The following DLG2 variants were observed in gnomAD, a reference collection of about 807,000 sequenced individuals.
DLG2 encodes the protein disks large homolog 2.
In DLG2, 45 loss-of-function variants were observed where a neutral mutation model predicts 132.5. The ratio of observed to expected loss-of-function variants is 0.34; its 90% confidence interval spans 0.27 to 0.44. DLG2 has a LOEUF of 0.44. Among genes scored for constraint, DLG2 ranks in the 20% least tolerant of loss-of-function variants. The pLI, the probability that DLG2 is intolerant of heterozygous loss-of-function variation, is 1.00. For missense variants in DLG2, 1,045 were observed against 1,196.9 expected (o/e 0.87, Z 1.87); for synonymous variants, 424 against 419.6 (o/e 1.01, Z -0.13).
intron 18 of DLG2, among the ~76,000 whole-genome samples, chr11:83,711,934 A>G (rs988500558): frequency 1.3e-5 from 2 of 152,210 alleles, no homozygotes; most frequent in Non-Finnish European, 2.9e-5. Flanking sequence ...AACCACAACG[A>G]GATACTATCT....
At chr11:84,194,367 T>C (rs763340667) in intron 8 of DLG2, among the ~76,000 whole-genome samples, 3 of 152,186 alleles carry the variant, frequency 2.0e-5, no homozygotes, top group African/African-American at 4.8e-5. Context: ...GGTGGGTTCA[T>C]GGTTTTGCTG....
At chr11:84,042,023 C>A (rs879297201) in intron 11 of DLG2, among the ~76,000 whole-genome samples, 1 of 151,878 alleles carries the variant, frequency 6.6e-6, no homozygotes, top group Non-Finnish European at 1.5e-5. Flanking sequence ...TCCCCAGCCA[C>A]GTGAAACTGT....
chr11:85,573,039 C>T (rs1422758841), intron 3 of DLG2, among the ~76,000 whole-genome samples: 3 of 152,086 alleles, frequency 2.0e-5, no homozygotes, highest in African/African-American at 7.2e-5. Flanking sequence ...GTGGCATCTC[C>T]CCTTCCCGTA....
intron 18 of DLG2, among the ~76,000 whole-genome samples, chr11:83,701,321 G>C (rs1315259001): frequency 6.6e-6 from 1 of 152,126 alleles, no homozygotes; most frequent in East Asian, 1.9e-4. Context: ...TTATAGGGAT[G>C]TTATGAGGAT....
At chr11:84,009,532 G>A (rs907661229) in intron 11 of DLG2, among the ~76,000 whole-genome samples, 10 of 151,972 alleles carry the variant, frequency 6.6e-5, no homozygotes, top group African/African-American at 2.4e-4. Flanking sequence ...AAGCTAAGCT[G>A]CCTATTTGTT....
chr11:84,339,835 A>G (rs924849128), intron 7 of DLG2, among the ~76,000 whole-genome samples: 1 of 152,236 alleles, frequency 6.6e-6, no homozygotes, highest in African/African-American at 2.4e-5. Flanking sequence ...GCTAGATTTT[A>G]GCAACATGTG....
chr11:84,456,373 A>G (rs150468765), intron 7 of DLG2, among the ~76,000 whole-genome samples: 178 of 151,390 alleles, frequency 1.2e-3, no homozygotes, highest in African/African-American at 4.2e-3. Flanking sequence ...CCTATCTCAT[A>G]TAATTCCCAT....
rs561455197 is a variant in DLG2, at chr11:85,461,289, T to A, written c.40+137368A>T. Reference sequence around the variant, plus strand: ...TTATTATATACTCCATTTGAATGTGTCAGGATGCTTGCCAAAGTTAATAGA... The same window carrying A: ...TTATTATATACTCCATTTGAATGTGACAGGATGCTTGCCAAAGTTAATAGA... On this transcript the variant is annotated intron_variant, in intron 3 of 27. Coordinates refer to ENST00000376104, the MANE Select transcript of DLG2 (RefSeq NM_001142699.3). Among the ~76,000 whole-genome samples, 3 of 152,358 alleles carry A rather than the reference T, an allele frequency of 2.0e-5. No homozygotes were observed. The East Asian group carries it at 5.8e-4, about 29-fold the overall frequency.
At chr11:84,650,353 T>C (rs139409038) in intron 6 of DLG2, among the ~76,000 whole-genome samples, 140 of 152,296 alleles carry the variant, frequency 9.2e-4, no homozygotes, top group Non-Finnish European at 1.7e-3. Context: ...TCTTTCGTTG[T>C]AGGTATTAGA....
rs574802548 is a variant in DLG2 at position 83,661,812 on chromosome 11, A to G, written c.1826-28487T>C. Among the ~76,000 whole-genome samples, 536 of 152,330 alleles carry G rather than the reference A, an allele frequency of 3.5e-3. 1 individual carries two copies. The highest frequency in any genetic ancestry group is 6.4e-3 in the Non-Finnish European group (437 of 68,034). On this transcript the variant is annotated intron_variant, in intron 18 of 27. Transcript: ENST00000376104. ...CACTTCCGACTCAAGACAGAAATCA[A>G]GACATAGTGACCTCCTATTGGGGGC...
intron 18 of DLG2, among the ~76,000 whole-genome samples, chr11:83,655,150 G>A (rs970738887): frequency 6.6e-6 from 1 of 152,134 alleles, no homozygotes; most frequent in Non-Finnish European, 1.5e-5. Flanking sequence ...GCCTCTCTGT[G>A]ACTCATTACT....
chr11:83,822,452 G>A (rs985690359), intron 17 of DLG2, among the ~76,000 whole-genome samples: 1 of 152,064 alleles, frequency 6.6e-6, no homozygotes, highest in African/African-American at 2.4e-5. Context: ...TCTTATTTGG[G>A]GACAATTCAA....
At chr11:83,546,542 T>C (rs1398448846) in intron 19 of DLG2, among the ~76,000 whole-genome samples, 1 of 152,158 alleles carries the variant, frequency 6.6e-6, no homozygotes, top group Non-Finnish European at 1.5e-5. Context: ...CTCTTTGTTA[T>C]TATTTCTGAC....
At chr11:84,802,334 A>T (rs1229789486) in intron 6 of DLG2, among the ~76,000 whole-genome samples, 1 of 152,134 alleles carries the variant, frequency 6.6e-6, no homozygotes, top group Non-Finnish European at 1.5e-5. Context: ...GGTTAGGGGA[A>T]TTAACAAGGA....
intron 18 of DLG2, among the ~76,000 whole-genome samples, chr11:83,672,801 G>A (rs988502474): frequency 2.0e-4 from 30 of 152,140 alleles, no homozygotes; most frequent in African/African-American, 7.2e-4. Context: ...GGTGGCTCAC[G>A]CCTGTAATCC....
chr11:84,409,705 C>A (rs980171922), intron 7 of DLG2, among the ~76,000 whole-genome samples: 4 of 152,156 alleles, frequency 2.6e-5, no homozygotes, highest in Non-Finnish European at 5.9e-5. Flanking sequence ...CTTATCAGGG[C>A]AAGCATTGTA....
At chr11:85,064,690 AT>A (rs1272467217) in intron 6 of DLG2, among the ~76,000 whole-genome samples, 3 of 151,628 alleles carry the variant, frequency 2.0e-5, no homozygotes, top group Non-Finnish European at 4.4e-5. Flanking sequence ...CTTTGAAGGT[AT>A]TTTTTACATA....
chr11:85,025,025 G>C (rs1020811461), intron 6 of DLG2, among the ~76,000 whole-genome samples: 1 of 152,082 alleles, frequency 6.6e-6, no homozygotes, highest in Non-Finnish European at 1.5e-5. Flanking sequence ...CCATATTTAC[G>C]TCTGTGCAAT....
At chr11:83,538,693 A>C (rs1348412851) in intron 20 of DLG2, among the ~76,000 whole-genome samples, 1 of 152,240 alleles carries the variant, frequency 6.6e-6, no homozygotes. Flanking sequence ...GGTGCAATAC[A>C]TGATCAGTGC....
Sources: allele counts gnomAD v4.1 joint callset (sites outside exome capture counted in the v4.1 genomes callset), GRCh38; gene constraint gnomAD v4.1.1; transcripts MANE v1.5; gene names NCBI Gene and HGNC (gene_info 2026-07-23, HGNC 2026-07-21).